CNTNAP2: variants seen among roughly 807,000 people sequenced by gnomAD.
CNTNAP2 encodes contactin-associated protein-like 2.
In CNTNAP2, 98 loss-of-function variants were observed where a neutral mutation model predicts 155.2. The observed-to-expected ratio is 0.63, with a 90% CI of 0.54 to 0.75. The LOEUF (loss-of-function observed/expected upper bound fraction) is 0.75. CNTNAP2 is among the 30% of genes least tolerant of loss of function. The pLI is 0.00. For missense variants in CNTNAP2, 1,727 were observed against 1,688.1 expected, an observed-to-expected ratio of 1.02 and a Z score of -0.40; for synonymous variants, 651 against 631.2, an observed-to-expected ratio of 1.03 and a Z score of -0.47.
intron 11 of CNTNAP2, among the ~76,000 whole-genome samples, chr7:147,523,200 C>G (rs1799260629): frequency 6.6e-6 from 1 of 152,162 alleles, no homozygotes; most frequent in Non-Finnish European, 1.5e-5. Flanking sequence ...AGTCTCAGCT[C>G]TTTGCTAGTC....
At chr7:147,556,789 G>A (rs1799959985) in intron 11 of CNTNAP2, among the ~76,000 whole-genome samples, 1 of 152,132 alleles carries the variant, frequency 6.6e-6, no homozygotes, top group South Asian at 2.1e-4. Flanking sequence ...ATTATTAACA[G>A]AATCATCATC....
chr7:148,168,280 C>A (rs1389220428), intron 17 of CNTNAP2, among the ~76,000 whole-genome samples: 1 of 151,886 alleles, frequency 6.6e-6, no homozygotes, highest in African/African-American at 2.4e-5. Flanking sequence ...TATTGCAGCA[C>A]TATTCACAAT....
intron 20 of CNTNAP2, among the ~76,000 whole-genome samples, chr7:148,245,550 A>G (rs1796245670): frequency 6.9e-6 from 1 of 145,934 alleles, no homozygotes; most frequent in East Asian, 2.0e-4. Flanking sequence ...TTGCCAAGGG[A>G]ACCCAGGCAG....
At chr7:148,332,900 T>C (rs964552230) in intron 21 of CNTNAP2, among the ~76,000 whole-genome samples, 1 of 152,190 alleles carries the variant, frequency 6.6e-6, no homozygotes, top group Non-Finnish European at 1.5e-5. Flanking sequence ...AAACCAAGTA[T>C]AAAATAGGAT....
At chr7:146,431,939 CTCTT>C (rs371559607) in intron 1 of CNTNAP2, among the ~76,000 whole-genome samples, 86 of 152,206 alleles carry the variant, frequency 5.7e-4, no homozygotes, top group African/African-American at 1.9e-3. Flanking sequence ...TGTTTGCTCT[CTCTT>C]TGAGATTTCA....
At position 146,326,230 on chromosome 7, in the gene CNTNAP2, A is replaced by T. The variant is rs192961237; in HGVS notation, c.97+209257A>T. On this transcript the variant is annotated intron_variant, in intron 1 of 23. Coordinates refer to ENST00000361727, the MANE Select transcript of CNTNAP2 (RefSeq NM_014141.6). ...CATGCCTGATAATGCAGAGGAAAAA[A>T]CATATTTGTAGTGATGCCAGTGGAA... Among the ~76,000 whole-genome samples the T allele has an allele frequency of 5.3e-3, 814 of 152,294 alleles. 4 individuals are homozygous for T. The highest frequency in any genetic ancestry group is 0.01 in the Middle Eastern group (3 of 294).
chr7:148,226,988 C>A (rs2116774053), intron 19 of CNTNAP2, among the ~76,000 whole-genome samples: 1 of 152,318 alleles, frequency 6.6e-6, no homozygotes, highest in Middle Eastern at 3.4e-3. Context: ...TCTGAGGAGG[C>A]AAGGATCAAG....
intron 1 of CNTNAP2, among the ~76,000 whole-genome samples, chr7:146,659,623 A>G (rs1003808472): frequency 6.6e-6 from 1 of 152,238 alleles, no homozygotes; most frequent in African/African-American, 2.4e-5. Context: ...TCATCTAAAA[A>G]TAACAAAATG....
intron 15 of CNTNAP2, among the ~76,000 whole-genome samples, chr7:147,998,365 C>T (rs369480923): frequency 8.5e-5 from 13 of 152,198 alleles, no homozygotes; most frequent in East Asian, 1.9e-4. Flanking sequence ...CCCACCTTGG[C>T]CTCCCAAAGT....
intron 1 of CNTNAP2, among the ~76,000 whole-genome samples, chr7:146,288,793 ATTTTTTTTTTTTTT>A (rs757136036): frequency 3.0e-5 from 3 of 100,016 alleles, no homozygotes; most frequent in African/African-American, 1.6e-4. Flanking sequence ...AAAATTAGTA[ATTTTTTTTTTTTTT>A]TTTTTTTTTT....
chr7:146,612,803 A>AT (rs1004285822), intron 1 of CNTNAP2, among the ~76,000 whole-genome samples: 8 of 152,066 alleles, frequency 5.3e-5, no homozygotes, highest in Non-Finnish European at 1.0e-4. Flanking sequence ...AATCTGAAAA[A>AT]TTTTTTTATA....
Position 147,667,966 on chromosome 7 carries a change from A to G in CNTNAP2, c.2098+28660A>G, listed in dbSNP as rs116631770. On this transcript the variant is annotated intron_variant, in intron 13 of 23. Coordinates refer to ENST00000361727, the MANE Select transcript of CNTNAP2 (RefSeq NM_014141.6). ...AAGAAGATACTCAAGAGGTTCATCA[A>G]TGACTTCAAATGATTTGCTCAGGAT... Among the ~76,000 whole-genome samples the G allele has an allele frequency of 4.2e-3, 636 of 152,278 alleles. 5 individuals carry two copies. Among genetic ancestry groups the G allele is most frequent in the African/African-American group, 0.014 (577 of 41,568 alleles).
At chr7:147,559,275 C>T (rs1452807905) in intron 11 of CNTNAP2, among the ~76,000 whole-genome samples, 1 of 152,162 alleles carries the variant, frequency 6.6e-6, no homozygotes, top group Non-Finnish European at 1.5e-5. Context: ...GTGAGGTAAG[C>T]GAGCTCCTGT....
chr7:147,447,600 A>G (rs1346061786), intron 10 of CNTNAP2, among the ~76,000 whole-genome samples: 1 of 152,034 alleles, frequency 6.6e-6, no homozygotes, highest in African/African-American at 2.4e-5. Context: ...CTGTAATTTT[A>G]GTAGAGACGA....
intron 3 of CNTNAP2, among the ~76,000 whole-genome samples, chr7:146,907,733 C>T (rs1276354545): frequency 6.7e-6 from 1 of 150,252 alleles, no homozygotes; most frequent in Non-Finnish European, 1.5e-5. Flanking sequence ...TAGGAAGAAA[C>T]TGCATCAACT....
intron 9 of CNTNAP2, among the ~76,000 whole-genome samples, chr7:147,317,886 T>C (rs1795263187): frequency 6.6e-6 from 1 of 151,998 alleles, no homozygotes; most frequent in Non-Finnish European, 1.5e-5. Context: ...TTTTCCCTTC[T>C]CTTAACTTTC....
At chr7:148,367,050 G>C (rs1798796693) in intron 21 of CNTNAP2, among the ~76,000 whole-genome samples, 1 of 152,068 alleles carries the variant, frequency 6.6e-6, no homozygotes, top group South Asian at 2.1e-4. Context: ...GGCCAACATG[G>C]TGAAGCCCTG....
At chr7:146,905,082 G>A (rs1796090065) in intron 3 of CNTNAP2, among the ~76,000 whole-genome samples, 2 of 152,082 alleles carry the variant, frequency 1.3e-5, no homozygotes, top group African/African-American at 4.8e-5. Flanking sequence ...TTGCTTAGCC[G>A]AATCCTTCCC....
At chr7:147,385,756 G>T (rs2116939533) in intron 9 of CNTNAP2, among the ~76,000 whole-genome samples, 1 of 152,304 alleles carries the variant, frequency 6.6e-6, no homozygotes, top group Non-Finnish European at 1.5e-5. Context: ...CAAGCTGTAG[G>T]TGGATCTACC....
Sources: allele counts gnomAD v4.1 joint callset (sites outside exome capture counted in the v4.1 genomes callset), GRCh38; gene constraint gnomAD v4.1.1; transcripts MANE v1.5; gene names NCBI Gene and HGNC (gene_info 2026-07-23, HGNC 2026-07-21).